The following MAML2 variants were observed in gnomAD, a reference collection of about 807,000 sequenced individuals.
The protein encoded by MAML2 is mastermind like transcriptional coactivator 2.
In MAML2, 22 loss-of-function variants were observed where a neutral mutation model predicts 96.1. That is an observed-to-expected ratio of 0.23 (90% CI 0.16 to 0.33). MAML2 has a LOEUF of 0.33. Ranked by LOEUF, MAML2 falls within the 10% of genes least tolerant of loss-of-function variation. The pLI is 1.00. For synonymous variants in MAML2, 561 were observed against 521.3 expected (o/e 1.08, Z -1.04); for missense variants, 1,367 against 1,392.4 (o/e 0.98, Z 0.29).
intron 1 of MAML2, among the ~76,000 whole-genome samples, chr11:96,150,285 A>G (rs551852835): frequency 6.6e-6 from 1 of 152,342 alleles, no homozygotes; most frequent in African/African-American, 2.4e-5. Context: ...GCTCAGCTTC[A>G]ATGACAAGTG....
intron 1 of MAML2, among the ~76,000 whole-genome samples, chr11:96,336,188 C>T (rs989600323): frequency 2.0e-5 from 3 of 152,138 alleles, no homozygotes; most frequent in Non-Finnish European, 2.9e-5. Flanking sequence ...AAAATCTATG[C>T]ATTAAATTAT....
intron 1 of MAML2, among the ~76,000 whole-genome samples, chr11:96,291,699 T>C (rs1461648861): frequency 6.6e-6 from 1 of 152,234 alleles, no homozygotes; most frequent in East Asian, 1.9e-4. Context: ...ATATTGTATA[T>C]GCACACAAAG....
intron 1 of MAML2, among the ~76,000 whole-genome samples, chr11:96,192,413 T>G (rs1158100747): frequency 1.3e-5 from 2 of 152,154 alleles, no homozygotes; most frequent in Admixed American, 1.3e-4. Context: ...AAGGAGCCCA[T>G]CAGGTGCAGA....
chr11:96,271,150 G>A (rs1231462860), intron 1 of MAML2, among the ~76,000 whole-genome samples: 3 of 152,190 alleles, frequency 2.0e-5, no homozygotes, highest in East Asian at 1.9e-4. Flanking sequence ...TTTGAGGTTC[G>A]GGACTTGGAC....
chr11:96,181,383 G>A (rs1283916852), intron 1 of MAML2, among the ~76,000 whole-genome samples: 1 of 150,982 alleles, frequency 6.6e-6, no homozygotes, highest in African/African-American at 2.5e-5. Flanking sequence ...TTGGGAGTTG[G>A]CTCTCCAGAT....
At chr11:96,018,298 A>G (rs1458914086) in intron 2 of MAML2, among the ~76,000 whole-genome samples, 1 of 152,212 alleles carries the variant, frequency 6.6e-6, no homozygotes, top group Non-Finnish European at 1.5e-5. Flanking sequence ...TACACATCCA[A>G]GTGGAGATGT....
intron 1 of MAML2, among the ~76,000 whole-genome samples, chr11:96,278,856 C>T (rs1360474790): frequency 6.6e-6 from 1 of 152,024 alleles, no homozygotes; most frequent in East Asian, 1.9e-4. Flanking sequence ...AAGGGATTTG[C>T]CTAGAGGTAG....
chr11:96,111,181 C>A (rs1860117244), intron 1 of MAML2, among the ~76,000 whole-genome samples: 1 of 152,174 alleles, frequency 6.6e-6, no homozygotes, highest in South Asian at 2.1e-4. Context: ...CATTTTATTT[C>A]TTGCTTTTGC....
At chr11:96,026,742 G>A (rs1333066834) in intron 2 of MAML2, among the ~76,000 whole-genome samples, 1 of 151,108 alleles carries the variant, frequency 6.6e-6, no homozygotes, top group Admixed American at 6.6e-5. Flanking sequence ...GAGGGATGAT[G>A]TAGATGCAAC....
chr11:96,302,704 A>T (rs1249964532), intron 1 of MAML2, among the ~76,000 whole-genome samples: 1 of 152,106 alleles, frequency 6.6e-6, no homozygotes, highest in Non-Finnish European at 1.5e-5. Context: ...TTGCACAGAA[A>T]CCCCAAGTTC....
At chr11:96,083,266 C>T (rs187134241) in intron 2 of MAML2, among the ~76,000 whole-genome samples, 1 of 152,328 alleles carries the variant, frequency 6.6e-6, no homozygotes. Flanking sequence ...TTGCCAGGTA[C>T]AAGTTATATT....
chr11:96,054,786 T>C (rs1040604516), intron 2 of MAML2, among the ~76,000 whole-genome samples: 1 of 152,196 alleles, frequency 6.6e-6, no homozygotes, highest in African/African-American at 2.4e-5. Flanking sequence ...ATTCTGTTTG[T>C]TCTTATGATG....
intron 1 of MAML2, among the ~76,000 whole-genome samples, chr11:96,258,542 C>T (rs1453362739): frequency 6.6e-6 from 1 of 152,172 alleles, no homozygotes; most frequent in East Asian, 1.9e-4. Context: ...TTGCAATGGG[C>T]TTCTCCAAAG....
chr11:96,184,778 A>G (rs1861547192), intron 1 of MAML2, among the ~76,000 whole-genome samples: 1 of 151,792 alleles, frequency 6.6e-6, no homozygotes, highest in Non-Finnish European at 1.5e-5. Flanking sequence ...CTTAGTAGAG[A>G]CGGGGTTTCA....
At chr11:96,287,811 A>C (rs1483986967) in intron 1 of MAML2, among the ~76,000 whole-genome samples, 1 of 152,244 alleles carries the variant, frequency 6.6e-6, no homozygotes, top group African/African-American at 2.4e-5. Context: ...CTGTTGCTTG[A>C]TCCCATGTTA....
intron 1 of MAML2, among the ~76,000 whole-genome samples, chr11:96,324,740 C>T (rs959582923): frequency 3.0e-4 from 45 of 152,298 alleles, no homozygotes; most frequent in African/African-American, 1.1e-3. Flanking sequence ...CAAAGAGCTT[C>T]AGGTCTCTCC....
rs143937604 is a variant in MAML2 at position 96,062,184 on chromosome 11, T to C, written c.2139+29708A>G. On this transcript the variant is annotated intron_variant, in intron 2 of 4. Transcript: ENST00000524717. ...TTTTTTTGCCTTGGTTTGTGTTACATGGAGTGACTCAAAGGAAACAGAAAA... is the reference window on the plus strand; with the variant it reads ...TTTTTTTGCCTTGGTTTGTGTTACACGGAGTGACTCAAAGGAAACAGAAAA... Among the ~76,000 whole-genome samples the C allele has an allele frequency of 4.2e-3, 643 of 152,334 alleles. 4 individuals carry two copies. The highest frequency in any genetic ancestry group is 0.015 in the African/African-American group (610 of 41,578).
At chr11:96,133,680 C>T (rs1860580751) in intron 1 of MAML2, among the ~76,000 whole-genome samples, 1 of 152,134 alleles carries the variant, frequency 6.6e-6, no homozygotes. Flanking sequence ...CCTTTAAAGG[C>T]TGTGTATATT....
intron 1 of MAML2, among the ~76,000 whole-genome samples, chr11:96,212,838 A>G (rs1861991420): frequency 6.6e-6 from 1 of 152,224 alleles, no homozygotes; most frequent in Non-Finnish European, 1.5e-5. Context: ...CTTCCTAAGA[A>G]TTGAGGCAAC....
Sources: gnomAD v4.1 joint callset for allele counts (sites outside exome capture counted in the v4.1 genomes callset) on GRCh38, gnomAD v4.1.1 for gene constraint, MANE v1.5 for transcripts, NCBI Gene and HGNC (gene_info 2026-07-23, HGNC 2026-07-21) for gene names.